CLVS1: variants seen among roughly 807,000 people sequenced by gnomAD.
CLVS1 encodes the protein clavesin 1.
Under a neutral mutation model 33.1 loss-of-function variants are expected in CLVS1, and 10 were observed. The observed-to-expected ratio is 0.30, with a 90% CI of 0.19 to 0.51. The LOEUF is 0.51. CLVS1 is among the 20% of genes least tolerant of loss of function. CLVS1 has a pLI of 0.97. For synonymous variants in CLVS1, 163 were observed against 166.1 expected, an observed-to-expected ratio of 0.98 and a Z score of 0.14; for missense variants, 343 against 433.4, an observed-to-expected ratio of 0.79 and a Z score of 1.85.
chr8:61,419,747 G>A (rs1427840262), intron 3 of CLVS1, among the ~76,000 whole-genome samples: 1 of 152,224 alleles, frequency 6.6e-6, no homozygotes, highest in Non-Finnish European at 1.5e-5. Flanking sequence ...GGTCTCTGTA[G>A]GCTCTCAGGC....
At chr8:61,388,048 T>C (rs1814156794) in intron 3 of CLVS1, among the ~76,000 whole-genome samples, 1 of 152,090 alleles carries the variant, frequency 6.6e-6, no homozygotes, top group African/African-American at 2.4e-5. Context: ...GTGTAAAAAC[T>C]CTTTTGACGA....
intron 3 of CLVS1, among the ~76,000 whole-genome samples, chr8:61,433,936 T>C (rs1478660163): frequency 6.7e-6 from 1 of 150,166 alleles, no homozygotes; most frequent in Non-Finnish European, 1.5e-5. Flanking sequence ...AAACATATCA[T>C]TCATTAAAAA....
At chr8:61,449,031 T>A (rs1248327044) in intron 3 of CLVS1, among the ~76,000 whole-genome samples, 1 of 152,078 alleles carries the variant, frequency 6.6e-6, no homozygotes, top group African/African-American at 2.4e-5. Flanking sequence ...ACCTTTTGTT[T>A]TAGCTGGCTT....
chr8:61,416,301 G>GAT (rs1563543575), intron 3 of CLVS1, among the ~76,000 whole-genome samples: 1 of 137,152 alleles, frequency 7.3e-6, no homozygotes, highest in Admixed American at 7.0e-5. Flanking sequence ...TAGCTAGCTA[G>GAT]CTAGATACAT....
At chr8:61,150,164 G>T (rs1012162509) in intron 2 of CLVS1, among the ~76,000 whole-genome samples, 2 of 149,688 alleles carry the variant, frequency 1.3e-5, no homozygotes, top group Non-Finnish European at 3.0e-5. Context: ...ACCTGGTGCA[G>T]GCCAGGAAAT....
At chr8:61,345,966 A>G (rs73682265) in intron 2 of CLVS1, among the ~76,000 whole-genome samples, 2,097 of 152,132 alleles carry the variant, frequency 0.014, 63 homozygotes, top group African/African-American at 0.047. Flanking sequence ...CCAAACCTAT[A>G]TGTGATTTTT....
At chr8:61,492,001 C>G (rs1563578606) in intron 5 of CLVS1, among the ~76,000 whole-genome samples, 1 of 152,106 alleles carries the variant, frequency 6.6e-6, no homozygotes, top group East Asian at 1.9e-4. Flanking sequence ...ACTAAATGAG[C>G]TAATACATGG....
chr8:61,073,635 T>C (rs1804842331), intron 1 of CLVS1, among the ~76,000 whole-genome samples: 1 of 152,068 alleles, frequency 6.6e-6, no homozygotes, highest in Non-Finnish European at 1.5e-5. Flanking sequence ...TTAAATAATA[T>C]CTATCATATC....
intron 2 of CLVS1, among the ~76,000 whole-genome samples, chr8:61,212,513 A>G (rs1480044303): frequency 6.6e-6 from 1 of 152,174 alleles, no homozygotes; most frequent in Non-Finnish European, 1.5e-5. Context: ...CAGAGGAGCC[A>G]TTGAAAGGCT....
At chr8:61,489,588 A>G (rs1432066551) in intron 5 of CLVS1, among the ~76,000 whole-genome samples, 1 of 152,234 alleles carries the variant, frequency 6.6e-6, no homozygotes, top group Non-Finnish European at 1.5e-5. Context: ...AAGATTAAAT[A>G]AAGATAATGC....
chr8:61,174,895 AG>A (rs1807084137), intron 2 of CLVS1, among the ~76,000 whole-genome samples: 1 of 152,182 alleles, frequency 6.6e-6, no homozygotes, highest in Admixed American at 6.5e-5. Context: ...TAGAGTTTTG[AG>A]GGTCAAAAGG....
intron 2 of CLVS1, among the ~76,000 whole-genome samples, chr8:61,363,965 A>G (rs1381544716): frequency 6.6e-6 from 1 of 152,114 alleles, no homozygotes; most frequent in Non-Finnish European, 1.5e-5. Context: ...CTATCCTGAC[A>G]CATCTGGTCC....
In CLVS1 at chr8:61,458,554, G is replaced by A; in HGVS notation, c.977+12G>A. 1 of 1,535,276 alleles carries A rather than the reference G, an allele frequency of 6.5e-7. No homozygotes were observed. Among genetic ancestry groups the A allele is most frequent in the Non-Finnish European group, 8.8e-7 (1 of 1,135,298 alleles). The stretch of plus-strand genomic sequence containing the variant: ...AAGCTGATGAAAAGGTAAGGCCTGG[G>A]TTATCAGAGCCCCCCCCCCAGTCAG... On this transcript the variant is annotated intron_variant, in intron 5 of 5. Coordinates refer to ENST00000325897, the MANE Select transcript of CLVS1 (RefSeq NM_173519.3).
At chr8:61,060,057 C>A (rs963665809) in intron 1 of CLVS1, among the ~76,000 whole-genome samples, 1 of 152,106 alleles carries the variant, frequency 6.6e-6, no homozygotes, top group African/African-American at 2.4e-5. Context: ...ATGACCTTGG[C>A]AGTAGGATCA....
chr8:61,148,040 G>T (rs919295648), intron 2 of CLVS1, among the ~76,000 whole-genome samples: 5 of 152,150 alleles, frequency 3.3e-5, no homozygotes, highest in South Asian at 2.1e-4. Flanking sequence ...AGTTTTAAAC[G>T]GGAGTTTTTG....
chr8:61,064,756 C>G (rs996565964), intron 1 of CLVS1, among the ~76,000 whole-genome samples: 4 of 151,542 alleles, frequency 2.6e-5, no homozygotes, highest in African/African-American at 9.7e-5. Flanking sequence ...GGCTGGAGTA[C>G]AGTGGCATGA....
In CLVS1 at chr8:61,466,087, AAT is replaced by A. The variant is rs1817540002; in HGVS notation, c.977+7548_977+7549del. Among the ~76,000 whole-genome samples the A allele has an allele frequency of 2.0e-5, 3 of 152,232 alleles. No homozygotes were observed. In the South Asian group the frequency reaches 6.2e-4, roughly 31 times the overall value. On this transcript the variant is annotated intron_variant, in intron 5 of 5. Transcript: ENST00000325897. ...TTTCTCCTACCTAATTTACTCCTTG[AAT>A]ATGTTTTAGGCTTGGAGAATAGGTA... is the stretch of plus-strand genomic sequence containing the variant.
intron 1 of CLVS1, among the ~76,000 whole-genome samples, chr8:61,083,559 A>G (rs1805062873): frequency 1.3e-5 from 2 of 152,170 alleles, no homozygotes. Context: ...ATCAACGTGA[A>G]CAGAATAGGA....
chr8:61,240,053 T>A (rs1808659164), intron 2 of CLVS1, among the ~76,000 whole-genome samples: 1 of 152,204 alleles, frequency 6.6e-6, no homozygotes, highest in African/African-American at 2.4e-5. Context: ...TTGTTTTTAA[T>A]GTAGCCAAGT....
Sources: allele counts gnomAD v4.1 joint callset (sites outside exome capture counted in the v4.1 genomes callset), GRCh38; gene constraint gnomAD v4.1.1; transcripts MANE v1.5; gene names NCBI Gene and HGNC (gene_info 2026-07-23, HGNC 2026-07-21).